PHLDB2: variants seen among roughly 807,000 people sequenced by gnomAD.
PHLDB2 encodes pleckstrin homology like domain family B member 2.
Under a neutral mutation model 123.6 loss-of-function variants are expected in PHLDB2, and 71 were observed. The observed-to-expected ratio is 0.57, with a 90% confidence interval of 0.47 to 0.70. PHLDB2 has a LOEUF of 0.70. PHLDB2 is among the 30% of genes least tolerant of loss of function. PHLDB2 has a pLI of 0.00. For synonymous variants in PHLDB2, 547 were observed against 541.6 expected, an observed-to-expected ratio of 1.01 and a Z score of -0.14; for missense variants, 1,446 against 1,519.5, an observed-to-expected ratio of 0.95 and a Z score of 0.80.
chr3:111,904,828 A>T (rs972862909), intron 2 of PHLDB2, among the ~76,000 whole-genome samples: 3 of 152,110 alleles, frequency 2.0e-5, no homozygotes, highest in Non-Finnish European at 4.4e-5. Flanking sequence ...GGAAAGACTG[A>T]GAGACTCTCC....
intron 1 of PHLDB2, among the ~76,000 whole-genome samples, chr3:111,777,450 G>A (rs180910608): frequency 5.3e-5 from 8 of 151,996 alleles, no homozygotes; most frequent in Non-Finnish European, 1.2e-4. Context: ...CAGAATTTAT[G>A]GTATTTCTTT....
chr3:111,903,659 A>G (rs762756339), intron 2 of PHLDB2, among the ~76,000 whole-genome samples: 8 of 152,216 alleles, frequency 5.3e-5, no homozygotes, highest in Non-Finnish European at 1.0e-4. Flanking sequence ...CAAGATAATT[A>G]TCTAGTTCAC....
intron 1 of PHLDB2, among the ~76,000 whole-genome samples, chr3:111,781,955 A>G (rs1013683602): frequency 6.6e-6 from 1 of 152,068 alleles, no homozygotes; most frequent in African/African-American, 2.4e-5. Context: ...TACCTCAGTC[A>G]TAGGGCCAGA....
At chr3:111,756,037 T>A (rs2059881981) in intron 1 of PHLDB2, among the ~76,000 whole-genome samples, 1 of 152,138 alleles carries the variant, frequency 6.6e-6, no homozygotes, top group Admixed American at 6.5e-5. Context: ...TAATTTCTGT[T>A]CTTTTACATT....
chr3:111,835,008 A>G (rs2063334902), intron 1 of PHLDB2, among the ~76,000 whole-genome samples: 1 of 152,164 alleles, frequency 6.6e-6, no homozygotes, highest in Non-Finnish European at 1.5e-5. Context: ...TGCCTAAAAA[A>G]GGAACCTTAA....
rs1225814039 is a variant in PHLDB2 at position 111,890,054 on chromosome 3, G to A, written c.1335+4642G>A. The stretch of plus-strand genomic sequence containing the variant: ...TCCATCAGGCACAAAATATATTCCT[G>A]ATCTGAGTACACAAATAGAAAAACA... On this transcript the variant is annotated intron_variant, in intron 2 of 17. Coordinates refer to ENST00000431670, the MANE Select transcript of PHLDB2 (RefSeq NM_001134438.2). Among the ~76,000 whole-genome samples the A allele has an allele frequency of 4.6e-5, 7 of 152,100 alleles. No individual in the cohort carries two copies. The South Asian group carries it at 1.0e-3, about 23-fold the overall frequency.
chr3:111,828,793 G>GAACA (rs142242253), intron 1 of PHLDB2, among the ~76,000 whole-genome samples: 6 of 152,030 alleles, frequency 3.9e-5, no homozygotes, highest in East Asian at 1.9e-4. Flanking sequence ...AAAACAAAAT[G>GAACA]AACAAACAAA....
chr3:111,913,155 T>G (rs1230093226), intron 2 of PHLDB2, among the ~76,000 whole-genome samples, 164 bp from the exon 3 acceptor site: 1 of 152,240 alleles, frequency 6.6e-6, no homozygotes, highest in African/African-American at 2.4e-5. Flanking sequence ...ACCTGGATCT[T>G]TAAATGCATC....
At chr3:111,932,419 A>C (rs897404859) in intron 6 of PHLDB2, 22 bp downstream of exon 6, 60 of 1,532,066 alleles carry the variant, frequency 3.9e-5, no homozygotes, top group Non-Finnish European at 5.1e-5. Context: ...ACAGGAATGC[A>C]CCAGTTATTT....
intron 6 of PHLDB2, among the ~76,000 whole-genome samples, chr3:111,936,403 C>G (rs1255306145): frequency 6.6e-6 from 1 of 152,116 alleles, no homozygotes; most frequent in Non-Finnish European, 1.5e-5. Flanking sequence ...ATTCCTTCCC[C>G]CAAATTCCAT....
chr3:111,885,257 G>C lies in PHLDB2; in HGVS notation c.1180G>C (p.Asp394His). 1 of 1,614,168 alleles carries C rather than the reference G, an allele frequency of 6.2e-7. No individual in the cohort carries two copies. The highest frequency in any genetic ancestry group is 8.5e-7 in the Non-Finnish European group (1 of 1,180,036). Residue 394 changes from aspartate (D) to histidine (H), a missense_variant, in exon 2 of 18, where the codon GAT becomes CAT. This residue lies in a region of PHLDB2 where 832 missense variants were observed against 831.9 expected (regional missense o/e 1.00). Transcript: ENST00000431670. ...TGGATCTGTGGAATTTGATGAGGCA[G>C]ATTTGGAAAGCCTCAGACAGGCCTC... ...SCGSVEFDEA[D>H]LESLRQASGT...
At chr3:111,880,521 G>A (rs960144807) in intron 1 of PHLDB2, among the ~76,000 whole-genome samples, 2 of 152,148 alleles carry the variant, frequency 1.3e-5, no homozygotes, top group Admixed American at 6.5e-5. Flanking sequence ...TAAAAAACTA[G>A]TATTTATGTT....
At chr3:111,891,118 A>G (rs2066461520) in intron 2 of PHLDB2, among the ~76,000 whole-genome samples, 1 of 152,116 alleles carries the variant, frequency 6.6e-6, no homozygotes, top group African/African-American at 2.4e-5. Context: ...TTTCAAGTAG[A>G]GGACATTAAT....
At chr3:111,894,179 C>A (rs1043792963) in intron 2 of PHLDB2, among the ~76,000 whole-genome samples, 4 of 149,380 alleles carry the variant, frequency 2.7e-5, no homozygotes, top group African/African-American at 4.9e-5. Context: ...TTTGTTCTTG[C>A]GATAGTTTAC....
In PHLDB2 at chr3:111,911,762, A is replaced by G. The variant is rs1420912814; in HGVS notation, c.1336-1557A>G. On this transcript the variant is annotated intron_variant, in intron 2 of 17. Coordinates refer to ENST00000431670, the MANE Select transcript of PHLDB2 (RefSeq NM_001134438.2). ...AGGAACTAGTTTATTAGTCCTTTTG[A>G]TCAAGCTATTGCTCTTTTGTTTTTT... The G allele has an allele frequency of 4.0e-6, 6 of 1,499,158 alleles. No individual in the cohort carries two copies. The South Asian group carries it at 7.2e-5, about 18-fold the overall frequency. The allele number at this position is 1,499,158 out of a possible 1,614,324, so 92.9% of individuals were successfully genotyped here.
intron 1 of PHLDB2, among the ~76,000 whole-genome samples, chr3:111,866,141 C>T (rs2065069436): frequency 6.6e-6 from 1 of 150,666 alleles, no homozygotes; most frequent in Admixed American, 6.7e-5. Context: ...GCCTCAGCCT[C>T]CCGAGTAGCT....
intron 1 of PHLDB2, among the ~76,000 whole-genome samples, chr3:111,877,297 G>A (rs577219096): frequency 3.3e-5 from 5 of 152,334 alleles, no homozygotes; most frequent in Middle Eastern, 3.4e-3. Context: ...TTGTTGTTTT[G>A]ATTTGCATTT....
chr3:111,783,393 A>G (rs1271126668), intron 1 of PHLDB2, among the ~76,000 whole-genome samples: 2 of 152,156 alleles, frequency 1.3e-5, no homozygotes, highest in African/African-American at 4.8e-5. Flanking sequence ...CACGTTCTTT[A>G]AAATAAAAGA....
intron 5 of PHLDB2, among the ~76,000 whole-genome samples, chr3:111,930,149 G>A (rs1392198470): frequency 1.3e-5 from 2 of 151,494 alleles, no homozygotes; most frequent in African/African-American, 2.4e-5. Context: ...TCTGACCCGT[G>A]ATCCGCCTGC....
Sources: gnomAD v4.1 joint callset for allele counts (sites outside exome capture counted in the v4.1 genomes callset) on GRCh38, gnomAD v4.1.1 for gene constraint, gnomAD v4.1.1 regional missense constraint, MANE v1.5 for transcripts, NCBI Gene and HGNC (gene_info 2026-07-23, HGNC 2026-07-21) for gene names.